DNAH6: variants seen among roughly 807,000 people sequenced by gnomAD.
DNAH6 encodes axonemal beta dynein heavy chain 6.
In DNAH6, 340 loss-of-function variants were observed where a neutral mutation model predicts 491.4. The observed-to-expected ratio is 0.69, with a 90% confidence interval of 0.63 to 0.76. DNAH6 has a LOEUF of 0.76. Among genes scored for constraint, DNAH6 ranks in the 30% least tolerant of loss-of-function variants. DNAH6 has a pLI of 0.00. For synonymous variants in DNAH6, 1,603 were observed against 1,686.1 expected, an observed-to-expected ratio of 0.95 and a Z score of 1.21; for missense variants, 4,443 against 4,972.2, an observed-to-expected ratio of 0.89 and a Z score of 3.20.
chr2:84,722,144 G>A lies in DNAH6; in HGVS notation c.9793-481G>A, dbSNP rs1042888293. 2.0e-5 allele frequency among the ~76,000 whole-genome samples: 3 copies of A among 152,168 alleles called. 1 individual carries two copies. Among genetic ancestry groups the A allele is most frequent in the South Asian group, 4.1e-4 (2 of 4,824 alleles). On this transcript the variant is annotated intron_variant, in intron 59 of 76. Coordinates refer to ENST00000389394, the MANE Select transcript of DNAH6 (RefSeq NM_001370.2). ...CCTGGGAATACTAGGTAAAGAACAA[G>A]AATATTAGTCACCCTTGTTATTCCA...
chr2:84,750,281 C>G lies in DNAH6; in HGVS notation c.10512+5032C>G, dbSNP rs116179228. 2.8e-3 allele frequency among the ~76,000 whole-genome samples: 419 copies of G among 149,034 alleles called. 4 individuals carry two copies. The highest frequency in any genetic ancestry group is 9.9e-3 in the African/African-American group (400 of 40,518). ...ATCTCCACTCACTGCAACCTCTGCT[C>G]AAAGGATCCTCCCACTTCAGCCTCC... is the stretch of plus-strand genomic sequence containing the variant. On this transcript the variant is annotated intron_variant, in intron 63 of 76. Transcript: ENST00000389394.
intron 21 of DNAH6, among the ~76,000 whole-genome samples, chr2:84,607,810 G>C (rs1327121697): frequency 6.6e-6 from 1 of 152,012 alleles, no homozygotes; most frequent in Non-Finnish European, 1.5e-5. Flanking sequence ...TGAAGGTTGG[G>C]GGTGCTGTGG....
chr2:84,796,166 G>A (rs1387368112), intron 68 of DNAH6, 140 bp from the exon 69 acceptor site: 3 of 542,718 alleles, frequency 5.5e-6, no homozygotes, highest in Non-Finnish European at 9.3e-6. Context: ...AGGGGGTGGT[G>A]GAAGGAAATT....
the DNAH6 span, among the ~76,000 whole-genome samples, chr2:84,491,437 T>G: frequency 3.0e-4 from 46 of 152,310 alleles, 1 homozygote; most frequent in African/African-American, 1.1e-3. Context: ...AAAAGCCACT[T>G]ACAACAATTC....
intron 17 of DNAH6, 90 bp from the exon 18 acceptor site, chr2:84,595,556 G>GTCTC: frequency 8.5e-7 from 1 of 1,181,200 alleles, no homozygotes; most frequent in Non-Finnish European, 1.2e-6. Flanking sequence ...TGTAGATTTG[G>GTCTC]ATTAACTTTT....
Position 84,624,515 on chromosome 2 carries a change from G to A in DNAH6, c.4248G>A (p.Trp1416Ter). 6.4e-7 allele frequency: 1 copy of A among 1,551,898 alleles called. No homozygotes were observed. Among genetic ancestry groups the A allele is most frequent in the Non-Finnish European group, 8.7e-7 (1 of 1,146,996 alleles). ...FDWQRQLRYY[W>*]DIDLDNCVAR... ...GGCAGAGACAACTGCGCTATTACTGGGATATAGACCTGGATAATTGTGTGG... is the reference window on the plus strand; with the variant it reads ...GGCAGAGACAACTGCGCTATTACTGAGATATAGACCTGGATAATTGTGTGG... Residue 1416 changes from tryptophan (W) to a stop codon, truncating the protein, a stop_gained, in exon 28 of 77, where the codon TGG becomes TGA. Transcript: ENST00000389394. LOFTEE classifies it high-confidence loss of function.
At chr2:84,816,133 A>T (rs1305301329) in intron 76 of DNAH6, 50 bp downstream of exon 76, 7 of 1,424,878 alleles carry the variant, frequency 4.9e-6, no homozygotes, top group African/African-American at 1.4e-5. Flanking sequence ...TGCAATCTTC[A>T]ATCAAAGTCC....
intron 63 of DNAH6, among the ~76,000 whole-genome samples, chr2:84,749,155 A>G (rs1366075141): frequency 6.6e-6 from 1 of 152,200 alleles, no homozygotes; most frequent in Admixed American, 6.5e-5. Flanking sequence ...TTTCAACATG[A>G]GATTTGGAGG....
At chr2:84,787,854 A>C (rs930980565) in intron 68 of DNAH6, among the ~76,000 whole-genome samples, 4 of 152,206 alleles carry the variant, frequency 2.6e-5, no homozygotes, top group African/African-American at 9.7e-5. Flanking sequence ...CTGTGACTAC[A>C]TAGGGATCTT....
chr2:84,697,425 T>C, intron 46 of DNAH6, 150 bp from the exon 47 acceptor site: 1 of 815,132 alleles, frequency 1.2e-6, no homozygotes, highest in South Asian at 2.0e-5. Flanking sequence ...GTGTACTTGC[T>C]ATGTTAGAAC....
chr2:84,641,826 A>G, intron 32 of DNAH6, 121 bp from the exon 33 acceptor site: 3 of 742,140 alleles, frequency 4.0e-6, no homozygotes, highest in Non-Finnish European at 6.5e-6. Context: ...ACGAGGGAAA[A>G]TGATCTTCTC....
intron 37 of DNAH6, among the ~76,000 whole-genome samples, chr2:84,664,759 C>T (rs1691905863): frequency 6.6e-6 from 1 of 152,238 alleles, no homozygotes; most frequent in Admixed American, 6.5e-5. Flanking sequence ...TAATAGACAT[C>T]TACAGAACTC....
the DNAH6 span, among the ~76,000 whole-genome samples, chr2:84,508,725 C>G: frequency 3.3e-5 from 5 of 152,166 alleles, no homozygotes; most frequent in African/African-American, 1.2e-4. Flanking sequence ...TTTCCCTCTA[C>G]ACACTGCTTT....
At chr2:84,517,112 G>T (rs574292353) in intron 1 of DNAH6, among the ~76,000 whole-genome samples, 1 of 152,052 alleles carries the variant, frequency 6.6e-6, no homozygotes, top group African/African-American at 2.4e-5. Context: ...TAGGTCTGCC[G>T]ACACCTGATT....
At chr2:84,573,297 T>C (rs1682076675) in intron 11 of DNAH6, among the ~76,000 whole-genome samples, 170 bp from the exon 12 acceptor site, 1 of 152,228 alleles carries the variant, frequency 6.6e-6, no homozygotes. Context: ...AATCCATCAA[T>C]TACTCCTCGA....
chr2:84,579,645 A>G lies in DNAH6; in HGVS notation c.2195A>G (p.His732Arg). Residue 732 changes from histidine to arginine, a missense_variant, in exon 14 of 77, where the codon CAT becomes CGT. Transcript: ENST00000389394. ...FVPTTTTEYV[H>R]SLLFLDEIQE... Reference sequence around the variant, plus strand: ...CCAACTACTACCACAGAATATGTTCATAGCTTATTATTTCTTGATGAAATT... The same window carrying G: ...CCAACTACTACCACAGAATATGTTCGTAGCTTATTATTTCTTGATGAAATT... 1.3e-6 allele frequency: 2 copies of G among 1,593,922 alleles called. No individual in the cohort carries two copies. Among genetic ancestry groups the G allele is most frequent in the South Asian group, 1.1e-5 (1 of 87,118 alleles).
rs1263646027 is a variant in DNAH6, at chr2:84,544,330, A to G, written c.760A>G (p.Ile254Val). 22 of 1,542,672 alleles carry G rather than the reference A, an allele frequency of 1.4e-5. No homozygotes were observed. Among genetic ancestry groups the G allele is most frequent in the Admixed American group, 3.9e-5 (2 of 50,976 alleles). The change falls in exon 5 of 77, where the codon ATT becomes GTT. Residue 254 changes from isoleucine (I) to valine (V), a missense_variant. Physicochemically the swap from Ile to Val is conservative, Grantham distance 29. Transcript: ENST00000389394. ...IYNEDIEFIE[I>V]DRWEQEYLYH... ...TAATGAAGACATTGAATTTATCGAA[A>G]TTGATCGATGGGAACAGGAATATCT...
At chr2:84,697,022 G>A (rs1242636843) in intron 46 of DNAH6, among the ~76,000 whole-genome samples, 2 of 152,120 alleles carry the variant, frequency 1.3e-5, no homozygotes, top group Admixed American at 6.5e-5. Context: ...AAAAATTGAT[G>A]AAGTCACACT....
the DNAH6 span, among the ~76,000 whole-genome samples, chr2:84,480,413 T>C: frequency 1.3e-5 from 2 of 152,176 alleles, no homozygotes; most frequent in Admixed American, 6.5e-5. Flanking sequence ...GCACTGTAAG[T>C]ACATTCCTCA....
Sources: allele counts gnomAD v4.1 joint callset (sites outside exome capture counted in the v4.1 genomes callset), GRCh38; gene constraint gnomAD v4.1.1; transcripts MANE v1.5; gene names NCBI Gene and HGNC (gene_info 2026-07-23, HGNC 2026-07-21).